Variants in CREM observed in about 807,000 individuals in gnomAD.
The protein encoded by CREM is cAMP responsive element modulator.
A neutral mutation model predicts 37.3 loss-of-function variants in CREM; 13 were observed. The observed-to-expected ratio is 0.35, with a 90% CI of 0.23 to 0.55. The LOEUF (loss-of-function observed/expected upper bound fraction) is 0.55. Ranked by LOEUF, CREM falls within the 20% of genes least tolerant of loss-of-function variation. The probability of loss-of-function intolerance (pLI) is 0.88; values close to 1 mark genes in which losing one functional copy is unlikely to be tolerated. For missense variants in CREM, 296 were observed against 362.3 expected, an observed-to-expected ratio of 0.82 and a Z score of 1.49; for synonymous variants, 124 against 120.2, an observed-to-expected ratio of 1.03 and a Z score of -0.21.
intron 2 of CREM, among the ~76,000 whole-genome samples, chr10:35,147,704 T>G (rs2092279928): frequency 6.6e-6 from 1 of 152,238 alleles, no homozygotes; most frequent in South Asian, 2.1e-4. Context: ...ATACTTTTCA[T>G]GTAAAATAGA....
chr10:35,177,890 C>G lies in CREM; in HGVS notation c.169-999C>G, dbSNP rs148408354. ...ATATTTGGTGGTGATATATGATTAT[C>G]TGAGGCAACAACATTTTTCTCAGTC... On this transcript the variant is annotated intron_variant, in intron 3 of 7. Coordinates refer to ENST00000685392, the MANE Select transcript of CREM (RefSeq NM_183011.2). 4.6e-5 allele frequency among the ~76,000 whole-genome samples: 7 copies of G among 152,236 alleles called. No homozygotes were observed. The East Asian group carries it at 1.2e-3, about 25-fold the overall frequency.
At chr10:35,137,539 G>A (rs573500144) in intron 1 of CREM, among the ~76,000 whole-genome samples, 1 of 152,088 alleles carries the variant, frequency 6.6e-6, no homozygotes, top group African/African-American at 2.4e-5. Context: ...TTTTTCCCTA[G>A]GAAGATAAGA....
chr10:35,174,856 T>C (rs1321353135), intron 3 of CREM, among the ~76,000 whole-genome samples: 2 of 152,120 alleles, frequency 1.3e-5, no homozygotes, highest in Non-Finnish European at 2.9e-5. Flanking sequence ...CTCAGGGAAG[T>C]AGTGAGGAGA....
chr10:35,157,326 TC>T (rs1237999451), intron 3 of CREM, among the ~76,000 whole-genome samples: 1 of 152,024 alleles, frequency 6.6e-6, no homozygotes, highest in Non-Finnish European at 1.5e-5. Flanking sequence ...TTCTCTAAGA[TC>T]TGGAATAAGA....
intron 1 of CREM, among the ~76,000 whole-genome samples, chr10:35,135,016 C>T (rs111305596): frequency 0.031 from 4,531 of 148,120 alleles, 222 homozygotes; most frequent in African/African-American, 0.11. Flanking sequence ...CCAGCCTGGG[C>T]GACAGAGCAA....
intron 4 of CREM, 27 bp downstream of exon 4, chr10:35,179,013 A>G (rs2094229615): frequency 1.3e-6 from 2 of 1,575,198 alleles, no homozygotes; most frequent in Non-Finnish European, 1.7e-6. Flanking sequence ...TCCTAATGTA[A>G]AGATACTTTT....
At chr10:35,184,999 T>C (rs12777517) in intron 5 of CREM, among the ~76,000 whole-genome samples, 1 of 151,764 alleles carries the variant, frequency 6.6e-6, no homozygotes, top group Non-Finnish European at 1.5e-5. Flanking sequence ...GGCTTAAGTT[T>C]TTTATAATAT....
At chr10:35,209,410 GA>G (rs2095615082) in intron 7 of CREM, 2 of 966,698 alleles carry the variant, frequency 2.1e-6, no homozygotes, top group African/African-American at 3.5e-5. Context: ...ATTAATAGAA[GA>G]AACAGGTGTT....
intron 3 of CREM, among the ~76,000 whole-genome samples, chr10:35,155,139 C>G (rs1048864214): frequency 6.6e-6 from 1 of 152,004 alleles, no homozygotes. Context: ...AAAATGCATA[C>G]AAATTTATTT....
At chr10:35,177,038 A>T (rs2094125575) in intron 3 of CREM, among the ~76,000 whole-genome samples, 1 of 152,044 alleles carries the variant, frequency 6.6e-6, no homozygotes, top group Non-Finnish European at 1.5e-5. Flanking sequence ...GTCAGTTATT[A>T]TCCTTTAAAT....
intron 6 of CREM, chr10:35,195,075 G>C (rs2095093347): frequency 9.5e-7 from 1 of 1,054,482 alleles, no homozygotes; most frequent in Non-Finnish European, 1.4e-6. Flanking sequence ...ATAGGCTAGT[G>C]ATGTCATTGT....
chr10:35,190,067 G>A (rs906301035), intron 6 of CREM, among the ~76,000 whole-genome samples: 3 of 152,166 alleles, frequency 2.0e-5, no homozygotes, highest in Admixed American at 2.0e-4. Flanking sequence ...CCATATTTAT[G>A]TCTAGGTGAA....
chr10:35,195,849 C>T, intron 6 of CREM: 1 of 562,590 alleles, frequency 1.8e-6, no homozygotes, highest in South Asian at 2.2e-5. Flanking sequence ...GCGAGCTGCA[C>T]ATTGACGTCA....
intron 6 of CREM, among the ~76,000 whole-genome samples, chr10:35,206,598 C>T (rs1482432728): frequency 6.6e-6 from 1 of 152,116 alleles, no homozygotes; most frequent in Non-Finnish European, 1.5e-5. Flanking sequence ...ATTAGCACAC[C>T]ACTGACTTTA....
intron 2 of CREM, among the ~76,000 whole-genome samples, chr10:35,147,620 C>T (rs891390740): frequency 6.6e-6 from 1 of 152,048 alleles, no homozygotes; most frequent in Non-Finnish European, 1.5e-5. Flanking sequence ...TTAATTTAGA[C>T]GATGGGGAAA....
At chr10:35,145,254 A>G (rs1184957905) in intron 2 of CREM, among the ~76,000 whole-genome samples, 1 of 149,164 alleles carries the variant, frequency 6.7e-6, no homozygotes, top group Non-Finnish European at 1.5e-5. Flanking sequence ...TCTCTTCCCC[A>G]CTAAATCTAA....
chr10:35,201,641 T>TAA (rs80113848), intron 6 of CREM, among the ~76,000 whole-genome samples: 2 of 141,892 alleles, frequency 1.4e-5, no homozygotes, highest in African/African-American at 5.2e-5. Flanking sequence ...ATACTGAACC[T>TAA]AAAAAAAAAA....
intron 6 of CREM, among the ~76,000 whole-genome samples, chr10:35,200,954 G>T (rs1027351051): frequency 2.6e-5 from 4 of 152,086 alleles, no homozygotes; most frequent in African/African-American, 9.6e-5. Flanking sequence ...GTACTTGGCT[G>T]GGTTTCTTAT....
intron 3 of CREM, among the ~76,000 whole-genome samples, chr10:35,150,495 G>T (rs1436290033): frequency 6.6e-6 from 1 of 152,108 alleles, no homozygotes; most frequent in Non-Finnish European, 1.5e-5. Flanking sequence ...TTCAGGCTGG[G>T]CGACAGCCAC....
Sources: gnomAD v4.1 joint callset for allele counts (sites outside exome capture counted in the v4.1 genomes callset) on GRCh38, gnomAD v4.1.1 for gene constraint, MANE v1.5 for transcripts, NCBI Gene and HGNC (gene_info 2026-07-23, HGNC 2026-07-21) for gene names.